The following CACNA2D1 variants were observed in gnomAD, a reference collection of about 807,000 sequenced individuals.
The protein encoded by CACNA2D1 is voltage-dependent calcium channel subunit alpha-2/delta-1.
CACNA2D1 carries 53 observed loss-of-function variants against 171.5 expected under a neutral mutation model. That is an observed-to-expected ratio of 0.31 (90% CI 0.25 to 0.39). The LOEUF (loss-of-function observed/expected upper bound fraction) is 0.39. Among genes scored for constraint, CACNA2D1 ranks in the 10% least tolerant of loss-of-function variants. The pLI, the probability that CACNA2D1 is intolerant of heterozygous loss-of-function variation, is 1.00. For synonymous variants in CACNA2D1, 442 were observed against 443.1 expected (o/e 1.00, Z 0.03); for missense variants, 903 against 1,299.8 (o/e 0.69, Z 4.69).
At chr7:82,295,801 C>T (rs1368288865) in intron 3 of CACNA2D1, among the ~76,000 whole-genome samples, 5 of 151,912 alleles carry the variant, frequency 3.3e-5, no homozygotes, top group Non-Finnish European at 1.5e-5. Context: ...TATAAAGACA[C>T]ATGAACACGT....
intron 38 of CACNA2D1, among the ~76,000 whole-genome samples, chr7:81,959,028 G>C (rs988785225): frequency 1.3e-5 from 2 of 151,984 alleles, no homozygotes; most frequent in African/African-American, 4.8e-5. Context: ...GAGTTAAATT[G>C]ATTGGAATTG....
intron 1 of CACNA2D1, among the ~76,000 whole-genome samples, chr7:82,386,814 A>G (rs1264702068): frequency 6.6e-6 from 1 of 151,638 alleles, no homozygotes; most frequent in African/African-American, 2.4e-5. Context: ...CACACAGTGC[A>G]AATATAAATA....
At chr7:82,156,782 T>C (rs1019688956) in intron 4 of CACNA2D1, among the ~76,000 whole-genome samples, 5 of 152,038 alleles carry the variant, frequency 3.3e-5, no homozygotes, top group African/African-American at 2.4e-5. Flanking sequence ...TTAAATGTGG[T>C]TGAACTTTTT....
At chr7:82,330,837 A>G (rs1327437925) in intron 3 of CACNA2D1, among the ~76,000 whole-genome samples, 1 of 152,112 alleles carries the variant, frequency 6.6e-6, no homozygotes, top group African/African-American at 2.4e-5. Flanking sequence ...TTATGTAATA[A>G]GTAGGAATGT....
chr7:82,152,369 C>T (rs1793956677), intron 4 of CACNA2D1, among the ~76,000 whole-genome samples: 1 of 142,108 alleles, frequency 7.0e-6, no homozygotes, highest in Non-Finnish European at 1.5e-5. Context: ...AAAGGTAAAA[C>T]CTTGAGAAAA....
At chr7:82,323,743 C>T (rs1816287655) in intron 3 of CACNA2D1, among the ~76,000 whole-genome samples, 1 of 152,134 alleles carries the variant, frequency 6.6e-6, no homozygotes, top group Non-Finnish European at 1.5e-5. Context: ...CTCCCTTTCC[C>T]CCATGCTGCA....
intron 5 of CACNA2D1, among the ~76,000 whole-genome samples, chr7:82,134,119 G>A (rs559365106): frequency 4.3e-4 from 65 of 151,958 alleles, no homozygotes; most frequent in African/African-American, 1.5e-3. Context: ...ATATGTTCAT[G>A]AGAAAATATT....
intron 12 of CACNA2D1, among the ~76,000 whole-genome samples, chr7:82,026,373 G>A (rs533219592): frequency 2.0e-5 from 3 of 150,990 alleles, no homozygotes; most frequent in Admixed American, 6.6e-5. Flanking sequence ...CTTTATGTTT[G>A]TCATTTTGAT....
intron 1 of CACNA2D1, among the ~76,000 whole-genome samples, chr7:82,397,794 G>C (rs1825900394): frequency 6.6e-6 from 1 of 152,162 alleles, no homozygotes; most frequent in African/African-American, 2.4e-5. Flanking sequence ...ATGAGACACA[G>C]AGAGGCCAAA....
chr7:82,389,943 T>C (rs970747693), intron 1 of CACNA2D1, among the ~76,000 whole-genome samples: 20 of 152,224 alleles, frequency 1.3e-4, no homozygotes, highest in African/African-American at 4.8e-4. Flanking sequence ...CTTTGTGTTG[T>C]TACTTGAGTT....
chr7:82,256,479 A>C (rs1218642323), intron 3 of CACNA2D1, among the ~76,000 whole-genome samples: 1 of 152,150 alleles, frequency 6.6e-6, no homozygotes. Context: ...AAATCACATT[A>C]AGTTTGGCCA....
intron 25 of CACNA2D1, 55 bp from the exon 26 acceptor site, chr7:81,971,919 A>C: frequency 1.9e-6 from 2 of 1,059,202 alleles, no homozygotes; most frequent in South Asian, 2.6e-5. Flanking sequence ...TATGATCATA[A>C]TGAAAAATAT....
intron 15 of CACNA2D1, among the ~76,000 whole-genome samples, chr7:82,011,534 G>A (rs1411271015): frequency 6.6e-6 from 1 of 152,110 alleles, no homozygotes; most frequent in Non-Finnish European, 1.5e-5. Flanking sequence ...TTGTGCGATG[G>A]ACAATTTAAC....
At position 82,443,652 on chromosome 7, in the gene CACNA2D1, G is replaced by A. The variant is rs953949931; in HGVS notation, c.-193C>T. The A allele has an allele frequency of 4.3e-5, 56 of 1,287,970 alleles. 1 individual carries two copies. Among genetic ancestry groups the A allele is most frequent in the Non-Finnish European group, 5.1e-5 (52 of 1,025,604 alleles). 79.8% of individuals were successfully genotyped at this position (1,287,970 alleles called of 1,614,324 possible). A position where few individuals can be genotyped will look rare whatever the true frequency, so the allele number is the denominator to read the frequency against. Reference sequence around the variant, plus strand: ...CGGGAGCGGACGCCGAGGAAGGGGCGGTGGCGGGCGGACCCACTAGCGTGC... The same window carrying A: ...CGGGAGCGGACGCCGAGGAAGGGGCAGTGGCGGGCGGACCCACTAGCGTGC... On this transcript the variant is annotated 5_prime_UTR_variant, in exon 1 of 39. Transcript: ENST00000356860.
At chr7:82,128,681 G>A (rs532932827) in intron 5 of CACNA2D1, among the ~76,000 whole-genome samples, 12 of 152,124 alleles carry the variant, frequency 7.9e-5, no homozygotes, top group Admixed American at 5.2e-4. Flanking sequence ...TAATAAACAC[G>A]AAAGAACAGT....
intron 1 of CACNA2D1, 33 bp downstream of exon 1, chr7:82,443,332 G>A (rs745443207): frequency 3.0e-5 from 47 of 1,567,934 alleles, no homozygotes; most frequent in Non-Finnish European, 4.0e-5. Flanking sequence ...GGCGCCCCTC[G>A]GCCGGCGCTC....
At chr7:82,165,090 A>G (rs1240527173) in intron 4 of CACNA2D1, among the ~76,000 whole-genome samples, 5 of 152,028 alleles carry the variant, frequency 3.3e-5, no homozygotes, top group Non-Finnish European at 5.9e-5. Context: ...CCAATAATTT[A>G]GCACTATTTT....
At chr7:82,037,242 G>T (rs568359480) in intron 11 of CACNA2D1, among the ~76,000 whole-genome samples, 15 of 152,190 alleles carry the variant, frequency 9.9e-5, no homozygotes, top group Admixed American at 2.6e-4. Flanking sequence ...ACATTGGGAG[G>T]CCAAGGCGGG....
intron 3 of CACNA2D1, among the ~76,000 whole-genome samples, chr7:82,180,112 G>A (rs562375055): frequency 6.6e-6 from 1 of 152,106 alleles, no homozygotes; most frequent in African/African-American, 2.4e-5. Context: ...CATGAACAGA[G>A]GCAAAGAGAG....
Sources: allele counts gnomAD v4.1 joint callset (sites outside exome capture counted in the v4.1 genomes callset), GRCh38; gene constraint gnomAD v4.1.1; transcripts MANE v1.5; gene names NCBI Gene and HGNC (gene_info 2026-07-23, HGNC 2026-07-21).